Variants in PDE4A observed in about 807,000 individuals in gnomAD.
PDE4A encodes phosphodiesterase 4A.
PDE4A carries 21 observed loss-of-function variants against 73.9 expected under a neutral mutation model. The observed-to-expected ratio is 0.28, with a 90% CI of 0.20 to 0.41. The LOEUF (loss-of-function observed/expected upper bound fraction) is 0.41. PDE4A is among the 10% of genes least tolerant of loss of function. The pLI, the probability that PDE4A is intolerant of heterozygous loss-of-function variation, is 1.00. For synonymous variants in PDE4A, 463 were observed against 505.4 expected, an observed-to-expected ratio of 0.92 and a Z score of 1.13; for missense variants, 958 against 1,211.4, an observed-to-expected ratio of 0.79 and a Z score of 3.10.
chr19:10,434,994 G>A (rs143248993), intron 1 of PDE4A, among the ~76,000 whole-genome samples: 112 of 150,312 alleles, frequency 7.5e-4, no homozygotes, highest in African/African-American at 2.7e-3. Context: ...AGGCTCAAGC[G>A]ATGCTCCAAC....
At chr19:10,463,233 G>C (rs1383113965) in intron 13 of PDE4A, among the ~76,000 whole-genome samples, 1 of 149,858 alleles carries the variant, frequency 6.7e-6, no homozygotes, top group Non-Finnish European at 1.5e-5. Context: ...GGGATTACAG[G>C]TGCCTACCAC....
chr19:10,461,475 G>A (rs2043268710), intron 11 of PDE4A, 51 bp from the exon 12 acceptor site: 3 of 1,599,768 alleles, frequency 1.9e-6, no homozygotes, highest in Non-Finnish European at 2.6e-6. Context: ...GCCCTCCTGC[G>A]GTTGGAGCTG....
intron 13 of PDE4A, among the ~76,000 whole-genome samples, chr19:10,462,319 T>C (rs2043287103): frequency 6.6e-6 from 1 of 152,114 alleles, no homozygotes; most frequent in East Asian, 1.9e-4. Context: ...CATGCCCAGC[T>C]AATTTTGTAC....
chr19:10,446,675 A>G (rs2043010119), intron 2 of PDE4A, among the ~76,000 whole-genome samples: 1 of 150,782 alleles, frequency 6.6e-6, no homozygotes, highest in African/African-American at 2.4e-5. Context: ...GCTCACTGCA[A>G]CCTCCGCCTC....
At chr19:10,447,308 C>G (rs1383724615) in intron 2 of PDE4A, among the ~76,000 whole-genome samples, 1 of 144,564 alleles carries the variant, frequency 6.9e-6, no homozygotes, top group Non-Finnish European at 1.5e-5. Context: ...TCACTGCAAG[C>G]TCCACCTCCC....
chr19:10,417,194 G>A, upstream of PDE4A: 1 of 984,598 alleles, frequency 1.0e-6, no homozygotes, highest in Non-Finnish European at 1.2e-6. Flanking sequence ...CCCAGGGACA[G>A]CAGGCAAAGG....
chr19:10,459,687 C>A lies in PDE4A; in HGVS notation c.1293C>A (p.Ala431=). The A allele has an allele frequency of 6.2e-7, 1 of 1,614,234 alleles. No homozygotes were observed. The highest frequency in any genetic ancestry group is 8.5e-7 in the Non-Finnish European group (1 of 1,180,046). ...TLEDHYHADV[A]YHNSLHAADV... is the part of the protein sequence containing the mutation. ...AGGATCACTACCACGCTGACGTGGC[C>A]TACCATAACAGCCTGCACGCAGCTG... The change falls in exon 10 of 15, where the codon GCC becomes GCA. Residue 431 remains alanine, a synonymous_variant. Transcript: ENST00000380702.
chr19:10,450,494 G>T, intron 4 of PDE4A, 109 bp from the exon 5 acceptor site: 2 of 1,472,056 alleles, frequency 1.4e-6, no homozygotes, highest in East Asian at 4.9e-5. Flanking sequence ...CTTAGGACAC[G>T]GTGAGTTTTC....
At chr19:10,438,287 A>AT (rs1201233710) in intron 1 of PDE4A, among the ~76,000 whole-genome samples, 1 of 150,120 alleles carries the variant, frequency 6.7e-6, no homozygotes, top group African/African-American at 2.5e-5. Flanking sequence ...TAATTTTTGT[A>AT]TTTTTATTAG....
rs1209143175 is a variant in PDE4A at position 10,453,063 on chromosome 19, G to A, written c.784-1766G>A. The A allele has an allele frequency of 1.5e-6, 2 of 1,349,122 alleles. No homozygotes were observed. The highest frequency in any genetic ancestry group is 3.0e-5 in the East Asian group (1 of 33,152). The allele number at this position is 1,349,122 out of a possible 1,614,324, so 83.6% of individuals were successfully genotyped here. ...GGGGGCCCGTTGGGGCCCAGGGCTG[G>A]CGGGCCATGTAACCAGGGCTGCTGC... On this transcript the variant is annotated intron_variant, in intron 6 of 14. Coordinates refer to ENST00000380702, the MANE Select transcript of PDE4A (RefSeq NM_001111307.2). This position sits in a 1 kb window ranked among gnomAD's most constrained non-coding sequence, Gnocchi z 4.6.
At chr19:10,456,399 A>G (rs2145564129) in intron 7 of PDE4A, among the ~76,000 whole-genome samples, 1 of 152,108 alleles carries the variant, frequency 6.6e-6, no homozygotes, top group East Asian at 1.9e-4. Context: ...GTTGGCACAC[A>G]CCTGTAATCT....
At chr19:10,431,342 G>A (rs536192389) in intron 1 of PDE4A, among the ~76,000 whole-genome samples, 2 of 152,188 alleles carry the variant, frequency 1.3e-5, no homozygotes, top group Non-Finnish European at 2.9e-5. Context: ...GAGGAGTGAG[G>A]GCGACCTGCC....
chr19:10,423,133 G>A (rs895748345), intron 1 of PDE4A: 49 of 979,976 alleles, frequency 5.0e-5, no homozygotes, highest in Admixed American at 1.2e-4. Context: ...GGAGAAACTG[G>A]AGCCCAGAGA....
intron 8 of PDE4A, chr19:10,459,043 T>C: frequency 4.8e-6 from 1 of 209,044 alleles, no homozygotes; most frequent in South Asian, 7.0e-5. Context: ...GAGGCTGAGC[T>C]GTGCTGGGGC....
chr19:10,419,289 G>T (rs186798787), upstream of PDE4A, among the ~76,000 whole-genome samples: 35 of 149,388 alleles, frequency 2.3e-4, no homozygotes, highest in Non-Finnish European at 4.5e-4. Context: ...GCCATCCTTG[G>T]GGGGGTTGAG....
At chr19:10,454,009 C>A (rs1374776307) in intron 6 of PDE4A, among the ~76,000 whole-genome samples, 4 of 152,020 alleles carry the variant, frequency 2.6e-5, no homozygotes, top group African/African-American at 9.7e-5. Flanking sequence ...TGTGGCAGAG[C>A]TTGGGGGTGG....
In PDE4A at chr19:10,424,940, A is replaced by T. The variant is rs2042698177; in HGVS notation, c.320+3856A>T. Among the ~76,000 whole-genome samples the T allele has an allele frequency of 2.0e-5, 3 of 152,306 alleles. No individual in the cohort carries two copies. The South Asian group carries it at 6.2e-4, about 32-fold the overall frequency. The stretch of plus-strand genomic sequence containing the variant: ...GGTGAGAATAGGAGTTAAAAACCAG[A>T]TCTCGGCCAGGCGCGGTGGCTCTGT... On this transcript the variant is annotated intron_variant, in intron 1 of 14. Coordinates refer to ENST00000380702, the MANE Select transcript of PDE4A (RefSeq NM_001111307.2). This position sits in a 1 kb window ranked among gnomAD's most constrained non-coding sequence, Gnocchi z 4.8.
At position 10,459,708 on chromosome 19, in the gene PDE4A, AGCTGACGT is replaced by A; in HGVS notation, c.1319_1326del (p.Asp440AlafsTer57). The A allele has an allele frequency of 6.2e-7, 1 of 1,614,190 alleles. No homozygotes were observed. Among genetic ancestry groups the A allele is most frequent in the Non-Finnish European group, 8.5e-7 (1 of 1,180,030 alleles). ...TGGCCTACCATAACAGCCTGCACGC[AGCTGACGT>A]GCTGCAGTCCACCCACGTACTGCTG... On this transcript the variant is annotated frameshift_variant, in exon 10 of 15. Coordinates refer to ENST00000380702, the MANE Select transcript of PDE4A (RefSeq NM_001111307.2). LOFTEE classifies it high-confidence loss of function.
intron 1 of PDE4A, among the ~76,000 whole-genome samples, chr19:10,436,543 G>A (rs1024445816): frequency 2.1e-5 from 3 of 141,906 alleles, no homozygotes; most frequent in Non-Finnish European, 4.5e-5. Context: ...CAATAAGAGC[G>A]AAACTCCGTC....
Sources: allele counts gnomAD v4.1 joint callset (sites outside exome capture counted in the v4.1 genomes callset), GRCh38; gene constraint gnomAD v4.1.1; non-coding constraint Gnocchi (gnomAD v3.1); transcripts MANE v1.5; gene names NCBI Gene and HGNC (gene_info 2026-07-23, HGNC 2026-07-21).